Variants in PCDHA6 observed in about 807,000 individuals in gnomAD.
PCDHA6 encodes the protein protocadherin alpha-6.
A neutral mutation model predicts 60.3 loss-of-function variants in PCDHA6; 55 were observed. That is an observed-to-expected ratio of 0.91 (90% CI 0.73 to 1.14). The LOEUF (loss-of-function observed/expected upper bound fraction) is 1.14. Ranked by LOEUF, PCDHA6 falls within the 50% of genes most tolerant of loss-of-function variation. PCDHA6 has a pLI of 0.00. For synonymous variants in PCDHA6, 652 were observed against 557.9 expected, an observed-to-expected ratio of 1.17 and a Z score of -2.38; for missense variants, 1,327 against 1,256.5, an observed-to-expected ratio of 1.06 and a Z score of -0.85.
chr5:140,950,107 A>G (rs1196740444), intron 1 of PCDHA6, among the ~76,000 whole-genome samples: 1 of 151,920 alleles, frequency 6.6e-6, no homozygotes, highest in Non-Finnish European at 1.5e-5. Context: ...ATTAAATCTC[A>G]TACAATACAA....
At position 140,828,821 on chromosome 5, in the gene PCDHA6, C is replaced by T. The variant is rs1402518398; in HGVS notation, c.730C>T (p.Gln244Ter). ...GAATGATAATGCTCCCACTTTCGAACAGTCTGAATACGAAGTAAGAATATT... is the reference window on the plus strand; with the variant it reads ...GAATGATAATGCTCCCACTTTCGAATAGTCTGAATACGAAGTAAGAATATT... ...DVNDNAPTFE[Q>*]SEYEVRIFEN... Residue 244 changes from glutamine to a stop codon, truncating the protein, a stop_gained, in exon 1 of 4, where the codon CAG becomes TAG. Transcript: ENST00000529310. LOFTEE classifies it high-confidence loss of function. 1 of 1,614,068 alleles carries T rather than the reference C, an allele frequency of 6.2e-7. No individual in the cohort carries two copies. The highest frequency in any genetic ancestry group is 8.5e-7 in the Non-Finnish European group (1 of 1,180,040).
chr5:140,942,902 A>G (rs956281163), intron 1 of PCDHA6, among the ~76,000 whole-genome samples: 7 of 152,112 alleles, frequency 4.6e-5, no homozygotes, highest in Admixed American at 1.3e-4. Context: ...ATCTCTAAGA[A>G]TAAGCGTGAA....
At chr5:140,907,846 C>T (rs2073638181) in intron 1 of PCDHA6, among the ~76,000 whole-genome samples, 1 of 152,246 alleles carries the variant, frequency 6.6e-6, no homozygotes, top group Admixed American at 6.5e-5. Flanking sequence ...TTAAAATCCT[C>T]CTCTGCTGAG....
intron 1 of PCDHA6, chr5:140,967,146 AC>A: frequency 6.2e-7 from 1 of 1,610,972 alleles, no homozygotes; most frequent in Non-Finnish European, 8.5e-7. Context: ...CTGGCGCACA[AC>A]CCCGTGGCGG....
rs147581214 is a variant in PCDHA6, at chr5:140,857,154, C to G, written c.2394+26669C>G. 87 of 1,598,228 alleles carry G rather than the reference C, an allele frequency of 5.4e-5. 8 individuals carry two copies. Among genetic ancestry groups the G allele is most frequent in the Non-Finnish European group, 7.1e-5 (83 of 1,167,802 alleles). On this transcript the variant is annotated intron_variant, in intron 1 of 3. Coordinates refer to ENST00000529310, the MANE Select transcript of PCDHA6 (RefSeq NM_018909.4). ...GATGCTCAAGTGGGCACCGTCATTG[C>G]CCTAATCAGCGTTTCTGACCATGAT...
chr5:140,910,577 C>T (rs1425639563), intron 1 of PCDHA6, among the ~76,000 whole-genome samples: 1 of 152,186 alleles, frequency 6.6e-6, no homozygotes, highest in Non-Finnish European at 1.5e-5. Flanking sequence ...TTTCTGGATC[C>T]TCCCAGCTGG....
intron 1 of PCDHA6, among the ~76,000 whole-genome samples, chr5:140,886,063 G>A (rs547299842): frequency 3.3e-5 from 5 of 152,172 alleles, no homozygotes; most frequent in East Asian, 1.9e-4. Flanking sequence ...TTACAAAAGC[G>A]TAGGGCCATA....
At chr5:140,869,134 A>T (rs781973798) in intron 1 of PCDHA6, 3 of 1,612,182 alleles carry the variant, frequency 1.9e-6, no homozygotes, top group Non-Finnish European at 2.5e-6. Context: ...GGGATTGGGC[A>T]CCCCACGACT....
chr5:140,830,242 G>A lies in PCDHA6; in HGVS notation c.2151G>A (p.Leu717=). The change falls in exon 1 of 4, where the codon CTG becomes CTA. Residue 717 remains leucine (L), a synonymous_variant. Coordinates refer to ENST00000529310, the MANE Select transcript of PCDHA6 (RefSeq NM_018909.4). ...VSSLLVLTLL[L]YTALRCSAPP... is the part of the protein sequence containing the mutation. The stretch of plus-strand genomic sequence containing the variant: ...GCCTGCTGGTCCTCACGCTACTGCT[G>A]TACACAGCGCTGCGGTGCTCGGCGC... 1 of 1,613,960 alleles carries A rather than the reference G, an allele frequency of 6.2e-7. No homozygotes were observed. Among genetic ancestry groups the A allele is most frequent in the Non-Finnish European group, 8.5e-7 (1 of 1,179,900 alleles).
At chr5:140,928,122 A>C in intron 1 of PCDHA6, 1 of 1,614,196 alleles carries the variant, frequency 6.2e-7, no homozygotes, top group Non-Finnish European at 8.5e-7. Context: ...AGATCAGTGA[A>C]TACCAAGTCC....
At chr5:140,869,546 C>T (rs201504685) in intron 1 of PCDHA6, 3 of 1,614,170 alleles carry the variant, frequency 1.9e-6, no homozygotes, top group Middle Eastern at 1.6e-4. Flanking sequence ...TCTAAGCAAT[C>T]GGACTCGCGT....
intron 1 of PCDHA6, chr5:140,853,237 A>T: frequency 1.0e-6 from 1 of 980,784 alleles, no homozygotes; most frequent in Non-Finnish European, 1.2e-6. Context: ...TTAGTCCTTC[A>T]TATTAATCTC....
At chr5:140,843,023 C>A (rs2150350362) in intron 1 of PCDHA6, 2 of 1,595,030 alleles carry the variant, frequency 1.3e-6, no homozygotes. Context: ...ACTGCTGGAG[C>A]CTCGGGTGGG....
At chr5:140,929,349 A>G in intron 1 of PCDHA6, 1 of 1,530,382 alleles carries the variant, frequency 6.5e-7, no homozygotes, top group Non-Finnish European at 8.8e-7. Context: ...ATGGAATTTG[A>G]TTCCTTTGGC....
At chr5:140,881,353 G>T (rs537796043) in intron 1 of PCDHA6, 4 of 985,178 alleles carry the variant, frequency 4.1e-6, no homozygotes, top group Non-Finnish European at 4.8e-6. Context: ...GCTACAATGC[G>T]TGGCTTTCGT....
intron 1 of PCDHA6, chr5:140,929,284 A>G: frequency 6.2e-7 from 1 of 1,600,764 alleles, no homozygotes; most frequent in Non-Finnish European, 8.5e-7. Flanking sequence ...CTGTATTCAG[A>G]TTCGGAATAG....
chr5:140,882,265 T>C, intron 1 of PCDHA6: 1 of 1,609,948 alleles, frequency 6.2e-7, no homozygotes, highest in Non-Finnish European at 8.5e-7. Flanking sequence ...TTTTGGAGTG[T>C]ACCATGCTGT....
chr5:140,943,605 CTT>C (rs1232110768), intron 1 of PCDHA6, among the ~76,000 whole-genome samples: 5 of 152,064 alleles, frequency 3.3e-5, no homozygotes, highest in African/African-American at 1.2e-4. Context: ...TAAATATAGA[CTT>C]TGATTCATCT....
rs542701193 is a variant in PCDHA6 at position 140,931,976 on chromosome 5, A to G, written c.2395-46973A>G. 2.6e-5 allele frequency among the ~76,000 whole-genome samples: 4 copies of G among 152,074 alleles called. No homozygotes were observed. In the East Asian group the frequency reaches 7.7e-4, roughly 29 times the overall value. On this transcript the variant is annotated intron_variant, in intron 1 of 3. Coordinates refer to ENST00000529310, the MANE Select transcript of PCDHA6 (RefSeq NM_018909.4). ...GAATCATGTTGATGCATATGTGTTTATATTTTGCTCAAATTCTAAGTTCTT... is the reference window on the plus strand; with the variant it reads ...GAATCATGTTGATGCATATGTGTTTGTATTTTGCTCAAATTCTAAGTTCTT...
Sources: allele counts gnomAD v4.1 joint callset (sites outside exome capture counted in the v4.1 genomes callset), GRCh38; gene constraint gnomAD v4.1.1; transcripts MANE v1.5; gene names NCBI Gene and HGNC (gene_info 2026-07-23, HGNC 2026-07-21).